Variants in VIPR2 observed in about 807,000 individuals in gnomAD.
VIPR2 encodes the protein vasoactive intestinal peptide receptor 2, also known as vasoactive intestinal polypeptide receptor 2.
A neutral mutation model predicts 58.0 loss-of-function variants in VIPR2; 48 were observed. The ratio of observed to expected loss-of-function variants is 0.83; its 90% CI spans 0.66 to 1.05. The LOEUF (loss-of-function observed/expected upper bound fraction) is 1.05, where lower values mean the gene tolerates loss of function less well. Among genes scored for constraint, VIPR2 ranks in the 50% least tolerant of loss-of-function variants. VIPR2 has a pLI of 0.00. For missense variants in VIPR2, 534 were observed against 558.0 expected (o/e 0.96, Z 0.43); for synonymous variants, 243 against 235.2 (o/e 1.03, Z -0.30).
chr7:159,101,222 C>A (rs1858207215), intron 4 of VIPR2, among the ~76,000 whole-genome samples: 1 of 143,966 alleles, frequency 6.9e-6, no homozygotes. Context: ...CGAGGCCGTT[C>A]CCCCGACTGT....
chr7:159,041,802 A>C (rs890834929), intron 6 of VIPR2, among the ~76,000 whole-genome samples: 4 of 151,960 alleles, frequency 2.6e-5, no homozygotes, highest in South Asian at 2.1e-4. Flanking sequence ...TGCTTTCTTC[A>C]TGAAGAGCTA....
At chr7:159,053,908 G>C (rs974249404) in intron 5 of VIPR2, among the ~76,000 whole-genome samples, 4 of 152,232 alleles carry the variant, frequency 2.6e-5, no homozygotes, top group African/African-American at 9.6e-5. Context: ...AAATTCACAT[G>C]TAAGTACAAA....
rs116647211 is a variant in VIPR2, at chr7:159,036,694, G to A, written c.748+58C>T. The A allele has an allele frequency of 3.6e-4, 556 of 1,550,120 alleles. No individual in the cohort carries two copies. In the African/African-American group the frequency reaches 3.7e-3, roughly 10 times the overall value. On this transcript the variant is annotated intron_variant, in intron 7 of 12. Transcript: ENST00000262178. ...TGTTTTCTGAGCTGAAAATGTTTGCGTTGTTTGGTCCGATGGGATGGGATG... is the reference window on the plus strand; with the variant it reads ...TGTTTTCTGAGCTGAAAATGTTTGCATTGTTTGGTCCGATGGGATGGGATG...
Position 159,035,660 on chromosome 7 carries a change from A to G in VIPR2, c.809+292T>C, listed in dbSNP as rs1268734972. 12 of 980,744 alleles carry G rather than the reference A, an allele frequency of 1.2e-5. No homozygotes were observed. The Admixed American group carries it at 4.3e-4, about 35-fold the overall frequency. 60.8% of individuals were successfully genotyped at this position (980,744 alleles called of 1,614,324 possible). A position where few individuals can be genotyped will look rare whatever the true frequency, so the allele number is the denominator to read the frequency against. On this transcript the variant is annotated intron_variant, in intron 8 of 12. Transcript: ENST00000262178. ...CAGGGCACTTGGCTTTCTTCTGTGG[A>G]CATCGCTGTGCCCACCGCAGGGGCT...
intron 5 of VIPR2, 41 bp from the exon 6 acceptor site, chr7:159,043,217 A>C: frequency 6.3e-5 from 54 of 857,858 alleles, no homozygotes; most frequent in East Asian, 1.8e-4. Context: ...TGGAGGGGGA[A>C]GGGGAGGGAG....
chr7:159,142,283 T>C (rs1797501568), intron 2 of VIPR2, among the ~76,000 whole-genome samples, 163 bp downstream of exon 2: 2 of 152,140 alleles, frequency 1.3e-5, no homozygotes, highest in South Asian at 4.1e-4. Context: ...TCCAACTCTC[T>C]CTGAGTTTTA....
chr7:159,067,037 T>G (rs1475746568), intron 4 of VIPR2, among the ~76,000 whole-genome samples: 1 of 152,174 alleles, frequency 6.6e-6, no homozygotes, highest in Non-Finnish European at 1.5e-5. Flanking sequence ...TTAATTAAAC[T>G]TACGTAAAAT....
At chr7:159,137,648 G>A (rs1797284363) in intron 2 of VIPR2, among the ~76,000 whole-genome samples, 2 of 152,184 alleles carry the variant, frequency 1.3e-5, no homozygotes, top group Non-Finnish European at 2.9e-5. Context: ...TGGGGTTACA[G>A]GCATGAGCCC....
At position 159,142,545 on chromosome 7, in the gene VIPR2, C is replaced by A; in HGVS notation, c.52G>T (p.Val18Leu). ...CGGCATTCTGGGTGAATGCTGTTCA[C>A]CTGTTCACGGTTAAAAGAAATATTA... ...ALLTCWLLAP[V>L]NSIHPECRFH... The change falls in exon 2 of 13, where the codon GTG becomes TTG. Residue 18 changes from valine to leucine, a missense_variant and splice_region_variant. By Grantham distance (32) the Val-to-Leu change is conservative. This residue lies in a region of VIPR2 where 224 missense variants were observed against 255.7 expected (regional missense o/e 0.88). Coordinates refer to ENST00000262178, the MANE Select transcript of VIPR2 (RefSeq NM_003382.5). 6.2e-7 allele frequency: 1 copy of A among 1,608,930 alleles called. No individual in the cohort carries two copies. The highest frequency in any genetic ancestry group is 8.5e-7 in the Non-Finnish European group (1 of 1,176,584).
rs571649423 is a variant in VIPR2 at position 159,037,434 on chromosome 7, C to T, written c.598-532G>A. ...AGAACACGAGTGCAGGTAGAGGGCG[C>T]GGCACATGCCAGCTGCCCTCACTAG... On this transcript the variant is annotated intron_variant, in intron 6 of 12. Transcript: ENST00000262178. 1.1e-4 allele frequency among the ~76,000 whole-genome samples: 17 copies of T among 152,342 alleles called. No homozygotes were observed. The East Asian group carries it at 2.9e-3, about 26-fold the overall frequency.
At position 159,031,340 on chromosome 7, in the gene VIPR2, G is replaced by A. The variant is rs1853567339; in HGVS notation, c.1143+488C>T. Among the ~76,000 whole-genome samples the A allele has an allele frequency of 6.6e-6, 1 of 152,194 alleles. No homozygotes were observed. ...GTGGGGCGGGAGGGTCAGGGGTCAG[G>A]GGACGGGGCCAGGCCGTTGGAGCAG... On this transcript the variant is annotated intron_variant, in intron 12 of 12. Transcript: ENST00000262178. The surrounding 1 kb of genome is among the most constrained non-coding windows in gnomAD (Gnocchi z 4.0).
At chr7:159,040,663 A>C (rs1854271354) in intron 6 of VIPR2, among the ~76,000 whole-genome samples, 1 of 152,236 alleles carries the variant, frequency 6.6e-6, no homozygotes, top group Non-Finnish European at 1.5e-5. Flanking sequence ...TCTGCCTGGG[A>C]GAATAACCTT....
rs1855456030 is a variant in VIPR2 at position 159,058,549 on chromosome 7, A to C, written c.387T>G (p.Ile129Met). ...KITFYILVKA[I>M]YTLGYSVSLM... ...GAGAGACACTGTAGCCCAGTGTATAAATGGCCTTCACCAGAATATAAAACG... is the reference window on the plus strand; with the variant it reads ...GAGAGACACTGTAGCCCAGTGTATACATGGCCTTCACCAGAATATAAAACG... Residue 129 changes from isoleucine to methionine, a missense_variant, in exon 5 of 13, where the codon ATT (isoleucine) becomes ATG (methionine). Ile to Met is a conservative substitution (Grantham distance 10). This residue lies in a region of VIPR2 where 224 missense variants were observed against 255.7 expected (regional missense o/e 0.88). Coordinates refer to ENST00000262178, the MANE Select transcript of VIPR2 (RefSeq NM_003382.5). 1 of 1,613,096 alleles carries C rather than the reference A, an allele frequency of 6.2e-7. No homozygotes were observed. Among genetic ancestry groups the C allele is most frequent in the Non-Finnish European group, 8.5e-7 (1 of 1,179,248 alleles).
chr7:159,038,494 A>G (rs1854114310), intron 6 of VIPR2, among the ~76,000 whole-genome samples: 1 of 152,178 alleles, frequency 6.6e-6, no homozygotes, highest in Non-Finnish European at 1.5e-5. Flanking sequence ...GACACACATG[A>G]TAACACAGCC....
intron 6 of VIPR2, 65 bp downstream of exon 6, chr7:159,042,970 C>A (rs745626616): frequency 6.4e-7 from 1 of 1,566,918 alleles, no homozygotes; most frequent in Non-Finnish European, 8.7e-7. Context: ...ACGTCCTCAT[C>A]GTGAGAAGAG....
intron 5 of VIPR2, among the ~76,000 whole-genome samples, chr7:159,050,116 C>G (rs1854899368): frequency 6.6e-6 from 1 of 152,104 alleles, no homozygotes; most frequent in African/African-American, 2.4e-5. Flanking sequence ...GTGGGTGGAT[C>G]ACTTGAGATC....
intron 7 of VIPR2, among the ~76,000 whole-genome samples, chr7:159,036,446 C>G (rs1853963418): frequency 6.6e-6 from 1 of 152,144 alleles, no homozygotes; most frequent in African/African-American, 2.4e-5. Flanking sequence ...CTGATCCCCA[C>G]CCTCAGTGAA....
At position 159,031,029 on chromosome 7, in the gene VIPR2, G is replaced by A. The variant is rs1853541656; in HGVS notation, c.1144-240C>T. Among the ~76,000 whole-genome samples, 1 of 152,228 alleles carries A rather than the reference G, an allele frequency of 6.6e-6. No individual in the cohort carries two copies. Among genetic ancestry groups the A allele is most frequent in the African/African-American group, 2.4e-5 (1 of 41,464 alleles). On this transcript the variant is annotated intron_variant, in intron 12 of 12. Transcript: ENST00000262178. This position sits in a 1 kb window ranked among gnomAD's most constrained non-coding sequence, Gnocchi z 4.0. Reference sequence around the variant, plus strand: ...CTAAGACTGTGCGTGGGTGGTTCGGGGATCGCCACTGCCGCGGTAAGCGCA... The same window carrying A: ...CTAAGACTGTGCGTGGGTGGTTCGGAGATCGCCACTGCCGCGGTAAGCGCA...
Position 159,142,869 on chromosome 7 carries a change from C to T in VIPR2, c.52-324G>A, listed in dbSNP as rs148583826. Among the ~76,000 whole-genome samples, 130 of 152,350 alleles carry T rather than the reference C, an allele frequency of 8.5e-4. 3 individuals are homozygous for T. In the East Asian group the frequency reaches 0.02, roughly 23 times the overall value. On this transcript the variant is annotated intron_variant, in intron 1 of 12. Coordinates refer to ENST00000262178, the MANE Select transcript of VIPR2 (RefSeq NM_003382.5). ...ATTCATCTCTCCATACCCGGCTCCT[C>T]CGTTTCACACCCTTTGGTTTGGTTT... is the stretch of plus-strand genomic sequence containing the variant.
Sources: allele counts gnomAD v4.1 joint callset (sites outside exome capture counted in the v4.1 genomes callset), GRCh38; gene constraint gnomAD v4.1.1; regional missense constraint gnomAD v4.1.1; non-coding constraint Gnocchi (gnomAD v3.1); transcripts MANE v1.5; gene names NCBI Gene and HGNC (gene_info 2026-07-23, HGNC 2026-07-21).